TRAPPC9: variants seen among roughly 807,000 people sequenced by gnomAD.
TRAPPC9 encodes trafficking protein particle complex subunit 9.
TRAPPC9 carries 83 observed loss-of-function variants against 124.0 expected under a neutral mutation model. The ratio of observed to expected loss-of-function variants is 0.67; its 90% CI spans 0.56 to 0.80. The LOEUF (loss-of-function observed/expected upper bound fraction) is 0.80. Among genes scored for constraint, TRAPPC9 ranks in the 30% least tolerant of loss-of-function variants. TRAPPC9 has a pLI of 0.00. For synonymous variants in TRAPPC9, 638 were observed against 617.5 expected (o/e 1.03, Z -0.49); for missense variants, 1,302 against 1,508.3 (o/e 0.86, Z 2.27).
intron 13 of TRAPPC9, among the ~76,000 whole-genome samples, chr8:140,285,151 G>C (rs576453040): frequency 1.3e-5 from 2 of 152,110 alleles, no homozygotes; most frequent in African/African-American, 4.8e-5. Flanking sequence ...TTCCCAAAGC[G>C]GGCTAAAAAT....
chr8:139,814,294 C>T (rs1310156625), intron 21 of TRAPPC9, among the ~76,000 whole-genome samples: 1 of 152,216 alleles, frequency 6.6e-6, no homozygotes, highest in Non-Finnish European at 1.5e-5. Flanking sequence ...ATGCCAATGG[C>T]CTTCCCCGTG....
chr8:139,853,852 T>A (rs893511351), intron 21 of TRAPPC9, among the ~76,000 whole-genome samples: 1 of 152,200 alleles, frequency 6.6e-6, no homozygotes, highest in Non-Finnish European at 1.5e-5. Context: ...AGCGAAGGGC[T>A]CTTATTTTAG....
chr8:140,168,859 T>C (rs1451714822), intron 17 of TRAPPC9, among the ~76,000 whole-genome samples: 1 of 152,252 alleles, frequency 6.6e-6, no homozygotes, highest in East Asian at 1.9e-4. Context: ...TGAATAGTTA[T>C]TGTGTCTCCT....
At chr8:140,130,322 G>A (rs1475399968) in intron 17 of TRAPPC9, among the ~76,000 whole-genome samples, 3 of 152,160 alleles carry the variant, frequency 2.0e-5, no homozygotes, top group African/African-American at 7.2e-5. Context: ...ACAGTGGAGA[G>A]GCCGGGCAGA....
chr8:140,060,272 G>C (rs1397846879), intron 17 of TRAPPC9, among the ~76,000 whole-genome samples: 2 of 152,146 alleles, frequency 1.3e-5, no homozygotes, highest in Non-Finnish European at 2.9e-5. Context: ...GGTGTCCCAC[G>C]AGGTCCCTCC....
chr8:140,367,214 C>A (rs983294494), intron 8 of TRAPPC9, among the ~76,000 whole-genome samples: 4 of 152,138 alleles, frequency 2.6e-5, no homozygotes, highest in African/African-American at 4.8e-5. Context: ...GGAACCATGC[C>A]CCTTGATATT....
chr8:140,273,489 T>C (rs988724319), intron 15 of TRAPPC9, among the ~76,000 whole-genome samples: 2 of 152,224 alleles, frequency 1.3e-5, no homozygotes, highest in South Asian at 2.1e-4. Flanking sequence ...GTTTTTGTTA[T>C]TGAAAATGCA....
At chr8:139,989,132 C>T (rs1027320861) in intron 18 of TRAPPC9, among the ~76,000 whole-genome samples, 2 of 152,178 alleles carry the variant, frequency 1.3e-5, no homozygotes, top group Non-Finnish European at 2.9e-5. Flanking sequence ...GGGAAGGTAA[C>T]CCGAATTCTC....
At chr8:139,803,418 C>G (rs1324255755) in intron 21 of TRAPPC9, among the ~76,000 whole-genome samples, 5 of 152,220 alleles carry the variant, frequency 3.3e-5, no homozygotes, top group Non-Finnish European at 7.3e-5. Flanking sequence ...TCTGATGAAC[C>G]ACACACAGTG....
chr8:139,944,831 TA>T (rs1834110969), intron 19 of TRAPPC9, among the ~76,000 whole-genome samples: 1 of 151,996 alleles, frequency 6.6e-6, no homozygotes, highest in South Asian at 2.1e-4. Flanking sequence ...TACAATAGAT[TA>T]AAAAAGCACG....
intron 3 of TRAPPC9, among the ~76,000 whole-genome samples, chr8:140,437,500 G>GT (rs1170341207): frequency 6.6e-6 from 1 of 152,142 alleles, no homozygotes; most frequent in Non-Finnish European, 1.5e-5. Flanking sequence ...GTGCATGCCT[G>GT]TAAGTCCCAG....
At chr8:139,741,787 C>T (rs1477992060) in intron 21 of TRAPPC9, among the ~76,000 whole-genome samples, 4 of 152,118 alleles carry the variant, frequency 2.6e-5, no homozygotes, top group Admixed American at 6.5e-5. Context: ...TGAGCTCCGG[C>T]GCCTGGCTTC....
At chr8:140,014,767 C>T (rs1839356480) in intron 18 of TRAPPC9, among the ~76,000 whole-genome samples, 1 of 152,190 alleles carries the variant, frequency 6.6e-6, no homozygotes, top group Admixed American at 6.5e-5. Flanking sequence ...CTCCCTTCCA[C>T]TCACGAACGC....
chr8:140,441,977 T>C (rs755712843), intron 2 of TRAPPC9, among the ~76,000 whole-genome samples: 11 of 152,114 alleles, frequency 7.2e-5, no homozygotes, highest in Non-Finnish European at 1.3e-4. Flanking sequence ...GAGACTGCAG[T>C]GAGCCATGAT....
At chr8:139,766,532 A>G (rs1820595478) in intron 21 of TRAPPC9, among the ~76,000 whole-genome samples, 2 of 152,206 alleles carry the variant, frequency 1.3e-5, no homozygotes, top group African/African-American at 4.8e-5. Context: ...TTCAATAAAT[A>G]TGTACTGACT....
intron 9 of TRAPPC9, among the ~76,000 whole-genome samples, chr8:140,359,285 C>T (rs1040491047): frequency 6.6e-6 from 1 of 152,154 alleles, no homozygotes; most frequent in African/African-American, 2.4e-5. Context: ...CAGCACTTCC[C>T]CAAGAACCCA....
chr8:139,789,828 G>A (rs1384213086), intron 21 of TRAPPC9, among the ~76,000 whole-genome samples: 1 of 152,166 alleles, frequency 6.6e-6, no homozygotes, highest in African/African-American at 2.4e-5. Flanking sequence ...GTCTTACTGA[G>A]CAGAGACCTC....
chr8:140,294,409 CT>C (rs1317342447), intron 11 of TRAPPC9, among the ~76,000 whole-genome samples: 5 of 152,098 alleles, frequency 3.3e-5, no homozygotes, highest in African/African-American at 1.2e-4. Context: ...GAAGGTCACT[CT>C]CTTTAAACAA....
chr8:139,926,570 T>C (rs1832827063), intron 19 of TRAPPC9, among the ~76,000 whole-genome samples: 1 of 148,262 alleles, frequency 6.7e-6, no homozygotes. Flanking sequence ...GAGAGGCAAG[T>C]GGACATTTTA....
Sources: allele counts gnomAD v4.1 joint callset (sites outside exome capture counted in the v4.1 genomes callset), GRCh38; gene constraint gnomAD v4.1.1; transcripts MANE v1.5; gene names NCBI Gene and HGNC (gene_info 2026-07-23, HGNC 2026-07-21).